Variants in KCNIP4 observed in about 807,000 individuals in gnomAD.
KCNIP4 encodes the protein Kv channel-interacting protein 4.
KCNIP4 carries 12 observed loss-of-function variants against 34.0 expected under a neutral mutation model. The ratio of observed to expected loss-of-function variants is 0.35; its 90% CI spans 0.23 to 0.57. The LOEUF (loss-of-function observed/expected upper bound fraction) is 0.57, where lower values mean the gene tolerates loss of function less well. Among genes scored for constraint, KCNIP4 ranks in the 20% least tolerant of loss-of-function variants. The pLI is 0.83. For missense variants in KCNIP4, 238 were observed against 311.7 expected (o/e 0.76, Z 1.78); for synonymous variants, 124 against 102.2 (o/e 1.21, Z -1.29).
At chr4:21,081,170 C>T (rs1002979713) in intron 1 of KCNIP4, among the ~76,000 whole-genome samples, 3 of 151,748 alleles carry the variant, frequency 2.0e-5, no homozygotes, top group Non-Finnish European at 4.4e-5. Flanking sequence ...TTGGAATGAA[C>T]ATTTCTGAAC....
chr4:21,285,541 A>C (rs1353239518), intron 1 of KCNIP4, among the ~76,000 whole-genome samples: 1 of 152,168 alleles, frequency 6.6e-6, no homozygotes, highest in Non-Finnish European at 1.5e-5. Flanking sequence ...TCTATAAAAC[A>C]AACAAGGCCG....
chr4:20,759,037 C>T (rs1754722609), intron 3 of KCNIP4, 147 bp from the exon 4 acceptor site: 2 of 589,192 alleles, frequency 3.4e-6, no homozygotes, highest in African/African-American at 1.9e-5. Flanking sequence ...AATAAAAGCA[C>T]ACTATAAACT....
rs114353347 is a variant in KCNIP4, at chr4:21,422,475, C to T, written c.61+526096G>A. Among the ~76,000 whole-genome samples the T allele has an allele frequency of 3.3e-3, 506 of 152,094 alleles. 3 individuals are homozygous for T. The highest frequency in any genetic ancestry group is 0.012 in the African/African-American group (482 of 41,462). On this transcript the variant is annotated intron_variant, in intron 1 of 8. Coordinates refer to ENST00000382152, the MANE Select transcript of KCNIP4 (RefSeq NM_025221.6). ...TTCGCCTCCCAAAGTGCTCAGATTACGGGCGTGAGCCACCGAGCCTGGCCC... is the reference window on the plus strand; with the variant it reads ...TTCGCCTCCCAAAGTGCTCAGATTATGGGCGTGAGCCACCGAGCCTGGCCC...
chr4:21,153,147 C>A (rs2109252202), intron 1 of KCNIP4, among the ~76,000 whole-genome samples: 1 of 152,248 alleles, frequency 6.6e-6, no homozygotes, highest in South Asian at 2.1e-4. Context: ...ACAGGCTAGA[C>A]TCCTAGTAGT....
At chr4:21,064,436 T>A (rs1047690249) in intron 1 of KCNIP4, among the ~76,000 whole-genome samples, 1 of 152,200 alleles carries the variant, frequency 6.6e-6, no homozygotes, top group East Asian at 1.9e-4. Flanking sequence ...TGCAATAGTA[T>A]GTCATAACAA....
At chr4:20,846,133 A>C (rs1482729965) in intron 3 of KCNIP4, among the ~76,000 whole-genome samples, 1 of 152,222 alleles carries the variant, frequency 6.6e-6, no homozygotes, top group Non-Finnish European at 1.5e-5. Flanking sequence ...TATTAAAGTG[A>C]TGCCTTAATG....
At chr4:21,475,190 C>A (rs370334613) in intron 1 of KCNIP4, among the ~76,000 whole-genome samples, 8 of 152,188 alleles carry the variant, frequency 5.3e-5, no homozygotes, top group African/African-American at 1.9e-4. Context: ...TTAAAAGACA[C>A]ACAGGAGAAT....
rs138551769 is a variant in KCNIP4, at chr4:21,003,184, C to A, written c.62-120475G>T. On this transcript the variant is annotated intron_variant, in intron 1 of 8. Coordinates refer to ENST00000382152, the MANE Select transcript of KCNIP4 (RefSeq NM_025221.6). ...AGCTTATGTCACTTCCTGAAGGTCACAAAGAAAGTAAATTACAGGGCTGAA... is the reference window on the plus strand; with the variant it reads ...AGCTTATGTCACTTCCTGAAGGTCAAAAAGAAAGTAAATTACAGGGCTGAA... Among the ~76,000 whole-genome samples the A allele has an allele frequency of 2.6e-5, 4 of 152,252 alleles. No individual in the cohort carries two copies. In the East Asian group the frequency reaches 7.7e-4, roughly 29 times the overall value.
At chr4:20,949,874 G>A (rs1466398131) in intron 1 of KCNIP4, among the ~76,000 whole-genome samples, 1 of 119,624 alleles carries the variant, frequency 8.4e-6, no homozygotes, top group African/African-American at 3.0e-5. Flanking sequence ...GGGGGGAGGG[G>A]GGAGGGATAG....
intron 1 of KCNIP4, among the ~76,000 whole-genome samples, chr4:21,146,415 AG>A (rs1274342218): frequency 3.3e-5 from 5 of 150,310 alleles, no homozygotes; most frequent in Admixed American, 3.3e-4. Context: ...GAAAAAAAAA[AG>A]TGGAAGACCA....
chr4:21,817,847 G>A (rs935891799), intron 1 of KCNIP4, among the ~76,000 whole-genome samples: 7 of 152,114 alleles, frequency 4.6e-5, no homozygotes, highest in African/African-American at 1.4e-4. Context: ...GACAATATGT[G>A]CACCGCTGAA....
intron 1 of KCNIP4, among the ~76,000 whole-genome samples, chr4:21,384,915 T>TAA (rs1721877985): frequency 6.6e-6 from 1 of 152,224 alleles, no homozygotes; most frequent in Admixed American, 6.5e-5. Context: ...ATTTACAACA[T>TAA]AATTTACACT....
chr4:20,970,249 T>C (rs1734800747), intron 1 of KCNIP4, among the ~76,000 whole-genome samples: 1 of 152,178 alleles, frequency 6.6e-6, no homozygotes, highest in African/African-American at 2.4e-5. Context: ...CCAGCGGTTA[T>C]TCTTAGAATG....
At chr4:20,800,170 A>G (rs1714040997) in intron 3 of KCNIP4, among the ~76,000 whole-genome samples, 1 of 152,262 alleles carries the variant, frequency 6.6e-6, no homozygotes, top group Non-Finnish European at 1.5e-5. Flanking sequence ...TATGTCAGTC[A>G]TCACTGACAC....
chr4:20,877,907 T>C (rs1724235052), intron 2 of KCNIP4, among the ~76,000 whole-genome samples: 1 of 152,104 alleles, frequency 6.6e-6, no homozygotes. Flanking sequence ...CTACCTCAAT[T>C]GTGAATTGGG....
At chr4:21,521,487 C>T (rs1334532225) in intron 1 of KCNIP4, among the ~76,000 whole-genome samples, 1 of 152,082 alleles carries the variant, frequency 6.6e-6, no homozygotes, top group African/African-American at 2.4e-5. Context: ...TCAAAAATAA[C>T]ATATCTAAAA....
chr4:21,332,747 C>T (rs1362210829), intron 1 of KCNIP4, among the ~76,000 whole-genome samples: 1 of 152,032 alleles, frequency 6.6e-6, no homozygotes, highest in Admixed American at 6.6e-5. Context: ...ACTGAAACAA[C>T]TTCATATCTG....
intron 2 of KCNIP4, among the ~76,000 whole-genome samples, chr4:20,872,119 C>T (rs1282218325): frequency 1.3e-5 from 2 of 152,102 alleles, no homozygotes; most frequent in Admixed American, 1.3e-4. Flanking sequence ...GCATTAGTTT[C>T]ACACTGCTAT....
At chr4:21,119,480 T>G (rs1349517097) in intron 1 of KCNIP4, among the ~76,000 whole-genome samples, 1 of 144,868 alleles carries the variant, frequency 6.9e-6, no homozygotes, top group East Asian at 2.3e-4. Context: ...TACTCACAAC[T>G]TTCTACATTT....
Sources: allele counts gnomAD v4.1 joint callset (sites outside exome capture counted in the v4.1 genomes callset), GRCh38; gene constraint gnomAD v4.1.1; transcripts MANE v1.5; gene names NCBI Gene and HGNC (gene_info 2026-07-23, HGNC 2026-07-21).